Variants in NFATC3 observed in about 807,000 individuals in gnomAD.
The protein encoded by NFATC3 is nuclear factor of activated T cells 3.
In NFATC3, 46 loss-of-function variants were observed where a neutral mutation model predicts 98.6. That is an observed-to-expected ratio of 0.47 (90% CI 0.37 to 0.60). The LOEUF is 0.60. Among genes scored for constraint, NFATC3 ranks in the 20% least tolerant of loss-of-function variants. NFATC3 has a pLI of 0.00. For missense variants in NFATC3, 1,256 were observed against 1,295.5 expected (o/e 0.97, Z 0.47); for synonymous variants, 512 against 472.2 (o/e 1.08, Z -1.09).
chr16:68,096,744 G>A, intron 1 of NFATC3, among the ~76,000 whole-genome samples: 1 of 152,178 alleles, frequency 6.6e-6, no homozygotes, highest in African/African-American at 2.4e-5. Context: ...CAGGCCAGCC[G>A]ATTATCACAC....
chr16:68,117,146 G>A (rs1186370580), intron 1 of NFATC3, among the ~76,000 whole-genome samples: 1 of 152,134 alleles, frequency 6.6e-6, no homozygotes, highest in African/African-American at 2.4e-5. Flanking sequence ...TTAAACACAT[G>A]AGCTTTTATG....
intron 1 of NFATC3, among the ~76,000 whole-genome samples, chr16:68,087,171 A>T (rs1181497681): frequency 3.9e-5 from 6 of 152,224 alleles, no homozygotes; most frequent in Non-Finnish European, 5.9e-5. Context: ...AGCTTGTTTG[A>T]GTATTTTTAT....
At chr16:68,200,486 G>A (rs549378294) in intron 9 of NFATC3, 5 of 151,430 alleles carry the variant, frequency 3.3e-5, no homozygotes, top group African/African-American at 7.3e-5. Flanking sequence ...AGATGATTTC[G>A]GTGCCTCATA....
At chr16:68,128,089 T>C (rs768293724) in intron 3 of NFATC3, among the ~76,000 whole-genome samples, 3 of 152,152 alleles carry the variant, frequency 2.0e-5, no homozygotes, top group Non-Finnish European at 4.4e-5. Context: ...CTTTATATAC[T>C]AAAATATAGA....
intron 8 of NFATC3, among the ~76,000 whole-genome samples, chr16:68,186,300 C>G (rs913935392): frequency 6.6e-6 from 1 of 151,770 alleles, no homozygotes; most frequent in African/African-American, 2.4e-5. Context: ...CCTGTAATCC[C>G]AGCACTTTGG....
chr16:68,117,563 A>G (rs1022021223), intron 1 of NFATC3, among the ~76,000 whole-genome samples: 3 of 152,168 alleles, frequency 2.0e-5, no homozygotes, highest in African/African-American at 7.2e-5. Flanking sequence ...GATGGAGTGC[A>G]ATGGCGCTAT....
intron 1 of NFATC3, among the ~76,000 whole-genome samples, chr16:68,108,448 G>A (rs1262294584): frequency 1.3e-5 from 2 of 152,094 alleles, no homozygotes; most frequent in Non-Finnish European, 2.9e-5. Flanking sequence ...GTCTGTTTTT[G>A]TACCAGTACC....
intron 6 of NFATC3, among the ~76,000 whole-genome samples, chr16:68,179,856 C>T (rs1286746955): frequency 1.3e-5 from 2 of 152,096 alleles, no homozygotes; most frequent in East Asian, 3.8e-4. Context: ...AAGTAATGTT[C>T]CAAAGGGCTG....
At chr16:68,214,057 A>G (rs1428313609) in intron 9 of NFATC3, among the ~76,000 whole-genome samples, 1 of 152,244 alleles carries the variant, frequency 6.6e-6, no homozygotes, top group Non-Finnish European at 1.5e-5. Flanking sequence ...AGCTGAATTT[A>G]TCCCTTAAAA....
At position 68,226,366 on chromosome 16, in the gene NFATC3, G is replaced by A. The variant is rs2042038467; in HGVS notation, c.3123G>A (p.Gly1041=). The part of the protein sequence containing the change: ...ITLDDVNEII[G]RDMSQISVSQ... ...GTTTTTCAGTGAACGAGATAATTGG[G>A]AGAGACATGTCCCAGATTTCTGTTT... Residue 1041 remains glycine, a synonymous_variant, in exon 10 of 10, where the codon GGG becomes GGA. Transcript: ENST00000346183. 6.4e-7 allele frequency: 1 copy of A among 1,570,424 alleles called. No individual in the cohort carries two copies. Among genetic ancestry groups the A allele is most frequent in the Non-Finnish European group, 8.6e-7 (1 of 1,163,174 alleles).
intron 9 of NFATC3, among the ~76,000 whole-genome samples, chr16:68,206,020 C>A (rs1413515653): frequency 6.6e-6 from 1 of 151,968 alleles, no homozygotes; most frequent in Non-Finnish European, 1.5e-5. Flanking sequence ...TATTTGCTTA[C>A]TTTTCTATTA....
intron 3 of NFATC3, among the ~76,000 whole-genome samples, chr16:68,128,710 A>C (rs1462144325): frequency 6.6e-6 from 1 of 152,228 alleles, no homozygotes; most frequent in Non-Finnish European, 1.5e-5. Context: ...GCTACTGGGG[A>C]GGCTGAGGCT....
chr16:68,190,508 C>A (rs1274719027), intron 8 of NFATC3, among the ~76,000 whole-genome samples: 1 of 152,138 alleles, frequency 6.6e-6, no homozygotes, highest in East Asian at 1.9e-4. Flanking sequence ...ATTTTCCTTC[C>A]CAGCAGTGAC....
chr16:68,143,768 C>T (rs2037886044), intron 3 of NFATC3, among the ~76,000 whole-genome samples: 1 of 152,182 alleles, frequency 6.6e-6, no homozygotes, highest in Non-Finnish European at 1.5e-5. Flanking sequence ...AGGAGAATTG[C>T]TTGAACCCAG....
At chr16:68,137,975 A>G (rs1188366348) in intron 3 of NFATC3, among the ~76,000 whole-genome samples, 1 of 150,292 alleles carries the variant, frequency 6.7e-6, no homozygotes, top group Non-Finnish European at 1.5e-5. Flanking sequence ...CTCCAAATAA[A>G]CTCTTTTAGA....
rs868505240 is a variant in NFATC3, at chr16:68,159,849, G to T, written c.1601+1781G>T. 3.9e-5 allele frequency among the ~76,000 whole-genome samples: 6 copies of T among 152,096 alleles called. 1 individual carries two copies. In the South Asian group the frequency reaches 1.0e-3, roughly 26 times the overall value. On this transcript the variant is annotated intron_variant, in intron 4 of 9. Coordinates refer to ENST00000346183, the MANE Select transcript of NFATC3 (RefSeq NM_173165.3). ...TCCCAGCACTTTGGGAGGCCGAGGTGGGCGGATTACCTGAGACCAGGAGTT... is the reference window on the plus strand; with the variant it reads ...TCCCAGCACTTTGGGAGGCCGAGGTTGGCGGATTACCTGAGACCAGGAGTT...
chr16:68,220,478 G>A (rs1371357464), intron 9 of NFATC3, among the ~76,000 whole-genome samples: 2 of 151,356 alleles, frequency 1.3e-5, no homozygotes, highest in Non-Finnish European at 2.9e-5. Context: ...TTGGGGGGAA[G>A]AAAAATGATA....
intron 5 of NFATC3, among the ~76,000 whole-genome samples, chr16:68,168,677 G>T (rs931217665): frequency 1.3e-4 from 19 of 150,496 alleles, no homozygotes; most frequent in Admixed American, 1.3e-3. Flanking sequence ...GTAGAGACGG[G>T]GTTTCACCAT....
chr16:68,176,498 C>T (rs2039714475), intron 6 of NFATC3, among the ~76,000 whole-genome samples: 1 of 152,044 alleles, frequency 6.6e-6, no homozygotes, highest in Non-Finnish European at 1.5e-5. Context: ...TATGAATGTA[C>T]CACAATTTAT....
Sources: gnomAD v4.1 joint callset for allele counts (sites outside exome capture counted in the v4.1 genomes callset) on GRCh38, gnomAD v4.1.1 for gene constraint, MANE v1.5 for transcripts, NCBI Gene and HGNC (gene_info 2026-07-23, HGNC 2026-07-21) for gene names.